Variants in SOS2 observed in about 807,000 individuals in gnomAD.
SOS2 encodes the protein SOS Ras/Rho guanine nucleotide exchange factor 2, also known as son of sevenless homolog 2.
SOS2 carries 65 observed loss-of-function variants against 148.2 expected under a neutral mutation model. The ratio of observed to expected loss-of-function variants is 0.44; its 90% CI spans 0.36 to 0.54. The LOEUF (loss-of-function observed/expected upper bound fraction) is 0.54, where lower values mean the gene tolerates loss of function less well. SOS2 is among the 20% of genes least tolerant of loss of function. SOS2 has a pLI of 0.00. For synonymous variants in SOS2, 539 were observed against 537.1 expected (o/e 1.00, Z -0.05); for missense variants, 1,341 against 1,590.2 (o/e 0.84, Z 2.67).
At chr14:50,189,029 C>T (rs1886018185) in intron 4 of SOS2, among the ~76,000 whole-genome samples, 1 of 150,500 alleles carries the variant, frequency 6.6e-6, no homozygotes, top group African/African-American at 2.4e-5. Context: ...CACACCACTG[C>T]ACTCCAGCCT....
At position 50,199,678 on chromosome 14, in the gene SOS2, T is replaced by C. The variant is rs754187641; in HGVS notation, c.510+13A>G. On this transcript the variant is annotated intron_variant, in intron 4 of 22. Transcript: ENST00000216373. ...GCTATTCAAGTTAAATTTAAATACC[T>C]TGTAACACTTACCTTATCCGCACAC... is the stretch of plus-strand genomic sequence containing the variant. 1 of 1,539,558 alleles carries C rather than the reference T, an allele frequency of 6.5e-7. No individual in the cohort carries two copies. Among genetic ancestry groups the C allele is most frequent in the Non-Finnish European group, 8.8e-7 (1 of 1,131,326 alleles).
chr14:50,133,867 T>C (rs912878026), intron 19 of SOS2, among the ~76,000 whole-genome samples: 2 of 152,160 alleles, frequency 1.3e-5, no homozygotes, highest in Non-Finnish European at 2.9e-5. Flanking sequence ...AAGTTCTCAC[T>C]TTCTCACACC....
intron 10 of SOS2, among the ~76,000 whole-genome samples, chr14:50,158,902 T>C (rs926774284): frequency 6.6e-6 from 1 of 152,130 alleles, no homozygotes; most frequent in Non-Finnish European, 1.5e-5. Flanking sequence ...TTCATGAATA[T>C]GGCTGGGTGA....
chr14:50,189,330 G>GAAAAAAAAAAAAAAAAAAAAAAAA (rs1566472509), intron 4 of SOS2, among the ~76,000 whole-genome samples: 1 of 3,604 alleles, frequency 2.8e-4, no homozygotes, highest in Non-Finnish European at 7.7e-4. Flanking sequence ...ACACATAATA[G>GAAAAAAAAAAAAAAAAAAAAAAAA]CAAAAAAAAA....
At chr14:50,153,856 G>A (rs563111708) in intron 12 of SOS2, among the ~76,000 whole-genome samples, 2 of 152,176 alleles carry the variant, frequency 1.3e-5, no homozygotes, top group East Asian at 1.9e-4. Flanking sequence ...CAGGTGATCC[G>A]CCCACCTCAG....
chr14:50,181,656 T>C (rs1340315849), intron 6 of SOS2, among the ~76,000 whole-genome samples: 1 of 152,160 alleles, frequency 6.6e-6, no homozygotes. Flanking sequence ...ATGTTTATGA[T>C]ATACAGAGTA....
chr14:50,161,760 C>G (rs550113176), intron 8 of SOS2, 151 bp from the exon 9 acceptor site: 48 of 611,212 alleles, frequency 7.9e-5, no homozygotes, highest in Non-Finnish European at 1.3e-4. Context: ...TATATACCTA[C>G]TGCCCTCTCA....
intron 1 of SOS2, among the ~76,000 whole-genome samples, chr14:50,220,929 T>C (rs1467125209): frequency 1.3e-5 from 2 of 152,144 alleles, no homozygotes; most frequent in African/African-American, 2.4e-5. Flanking sequence ...GCTAGAAAAA[T>C]GGTTCCCAAT....
intron 1 of SOS2, among the ~76,000 whole-genome samples, chr14:50,222,448 AC>A (rs1887227635): frequency 6.6e-6 from 1 of 152,232 alleles, no homozygotes; most frequent in Non-Finnish European, 1.5e-5. Context: ...TATTGGAGAT[AC>A]AGGTTTATGG....
intron 1 of SOS2, among the ~76,000 whole-genome samples, chr14:50,230,058 G>T (rs899005800): frequency 6.6e-5 from 10 of 152,150 alleles, no homozygotes; most frequent in Non-Finnish European, 1.2e-4. Flanking sequence ...AAAAAGATAC[G>T]ACTTAGTGTT....
Position 50,191,224 on chromosome 14 carries a change from G to T in SOS2, c.511-2524C>A, listed in dbSNP as rs548184630. Among the ~76,000 whole-genome samples, 14 of 152,176 alleles carry T rather than the reference G, an allele frequency of 9.2e-5. No individual in the cohort carries two copies. In the South Asian group the frequency reaches 2.3e-3, roughly 25 times the overall value. ...TCATGCTTACAATCTCAGCACTTTG[G>T]GAGGCCGAGGCAGGAGGATCACTTG... is the stretch of plus-strand genomic sequence containing the variant. On this transcript the variant is annotated intron_variant, in intron 4 of 22. Coordinates refer to ENST00000216373, the MANE Select transcript of SOS2 (RefSeq NM_006939.4).
chr14:50,143,374 A>C (rs573023081), intron 16 of SOS2, among the ~76,000 whole-genome samples: 3 of 151,326 alleles, frequency 2.0e-5, no homozygotes, highest in East Asian at 1.9e-4. Flanking sequence ...ACCCTCCCCC[A>C]AAAATGAGAG....
At chr14:50,169,738 A>G (rs1223855802) in intron 8 of SOS2, among the ~76,000 whole-genome samples, 2 of 152,146 alleles carry the variant, frequency 1.3e-5, no homozygotes, top group Non-Finnish European at 2.9e-5. Context: ...GTTGCCATGC[A>G]ACAATTTATA....
At chr14:50,188,951 C>T (rs1435010447) in intron 4 of SOS2, among the ~76,000 whole-genome samples, 1 of 151,740 alleles carries the variant, frequency 6.6e-6, no homozygotes, top group Non-Finnish European at 1.5e-5. Flanking sequence ...GTAATCCCAG[C>T]TATTTGGGAG....
Position 50,118,302 on chromosome 14 carries a change from T to G in SOS2, c.*42A>C, listed in dbSNP as rs774650708. On this transcript the variant is annotated 3_prime_UTR_variant, in exon 23 of 23. Transcript: ENST00000216373. ...TTTGAATAAATTAAAAAAAAAACTTTACAAATACCATTCCAGTGTCAATGA... is the reference window on the plus strand; with the variant it reads ...TTTGAATAAATTAAAAAAAAAACTTGACAAATACCATTCCAGTGTCAATGA... 1 of 1,497,356 alleles carries G rather than the reference T, an allele frequency of 6.7e-7. No individual in the cohort carries two copies. Among genetic ancestry groups the G allele is most frequent in the South Asian group, 1.3e-5 (1 of 75,602 alleles). The allele number at this position is 1,497,356 out of a possible 1,614,324, so 92.8% of individuals were successfully genotyped here.
At chr14:50,198,782 T>C (rs564447611) in intron 4 of SOS2, among the ~76,000 whole-genome samples, 89 of 152,348 alleles carry the variant, frequency 5.8e-4, no homozygotes, top group African/African-American at 1.8e-3. Context: ...TTTAATCATA[T>C]TGTTCTGTAA....
rs1182163460 is a variant in SOS2 at position 50,160,034 on chromosome 14, T to A, written c.1249A>T (p.Ile417Phe). ...SHQLRSKHLA[I>F]KKMNEIQKNI... ...TTCTGAATTTCATTCATTTTTTTGATAGCCAGGTGTTTGCTTCTTAATTGG... is the reference window on the plus strand; with the variant it reads ...TTCTGAATTTCATTCATTTTTTTGAAAGCCAGGTGTTTGCTTCTTAATTGG... The change falls in exon 10 of 23, where the codon ATC (isoleucine) becomes TTC (phenylalanine). Residue 417 changes from isoleucine to phenylalanine, a missense_variant. Physicochemically the swap from Ile to Phe is conservative, Grantham distance 21. Around this residue, in one of 4 missense-constraint regions of SOS2, gnomAD observed 574 missense variants for 711.1 expected, o/e 0.81. Coordinates refer to ENST00000216373, the MANE Select transcript of SOS2 (RefSeq NM_006939.4). 1.9e-6 allele frequency: 3 copies of A among 1,614,028 alleles called. No homozygotes were observed. Among genetic ancestry groups the A allele is most frequent in the Admixed American group, 1.7e-5 (1 of 60,006 alleles).
upstream of SOS2, chr14:50,231,597 T>C (rs1049057235): frequency 1.3e-5 from 2 of 152,696 alleles, no homozygotes; most frequent in Admixed American, 6.6e-5. Flanking sequence ...TCCTCCTCCT[T>C]TGTCTGGGTT....
In SOS2 at chr14:50,195,863, C is replaced by A. The variant is rs143141752; in HGVS notation, c.510+3828G>T. 9.4e-3 allele frequency among the ~76,000 whole-genome samples: 1,430 copies of A among 151,914 alleles called. 14 individuals carry two copies. Among genetic ancestry groups the A allele is most frequent in the Middle Eastern group, 0.065 (19 of 292 alleles). ...GGCCAACATAGTGAAACCCCGTCTA[C>A]TAAAAACACAAAAATCAGCCAGGCA... On this transcript the variant is annotated intron_variant, in intron 4 of 22. Coordinates refer to ENST00000216373, the MANE Select transcript of SOS2 (RefSeq NM_006939.4).
Sources: allele counts gnomAD v4.1 joint callset (sites outside exome capture counted in the v4.1 genomes callset), GRCh38; gene constraint gnomAD v4.1.1; regional missense constraint gnomAD v4.1.1; transcripts MANE v1.5; gene names NCBI Gene and HGNC (gene_info 2026-07-23, HGNC 2026-07-21).